Variants in MAGI1 observed in about 807,000 individuals in gnomAD.
The protein encoded by MAGI1 is membrane-associated guanylate kinase, WW and PDZ domain-containing protein 1.
Under a neutral mutation model 139.9 loss-of-function variants are expected in MAGI1, and 58 were observed. That is an observed-to-expected ratio of 0.41 (90% CI 0.34 to 0.52). The LOEUF is 0.52. Ranked by LOEUF, MAGI1 falls within the 20% of genes least tolerant of loss-of-function variation. The pLI, the probability that MAGI1 is intolerant of heterozygous loss-of-function variation, is 0.12. For missense variants in MAGI1, 1,874 were observed against 1,901.6 expected, an observed-to-expected ratio of 0.99 and a Z score of 0.27; for synonymous variants, 812 against 737.9, an observed-to-expected ratio of 1.10 and a Z score of -1.63.
chr3:66,037,032 T>G (rs752981836), intron 1 of MAGI1, among the ~76,000 whole-genome samples: 2 of 152,164 alleles, frequency 1.3e-5, no homozygotes, highest in Non-Finnish European at 2.9e-5. Context: ...GCCCCTTCAG[T>G]GCGGTAGGGT....
chr3:65,564,235 G>A (rs2080506921), intron 2 of MAGI1, among the ~76,000 whole-genome samples: 1 of 151,428 alleles, frequency 6.6e-6, no homozygotes, highest in Non-Finnish European at 1.5e-5. Context: ...ACAAGGCTAC[G>A]AAAATGGATA....
intron 5 of MAGI1, among the ~76,000 whole-genome samples, chr3:65,460,140 T>C (rs1455647668): frequency 6.6e-6 from 1 of 152,222 alleles, no homozygotes; most frequent in Non-Finnish European, 1.5e-5. Context: ...TTTTTCTGCA[T>C]CGATTCATAT....
intron 2 of MAGI1, chr3:65,532,754 T>C (rs2078771781): frequency 6.6e-6 from 1 of 152,228 alleles, no homozygotes; most frequent in Non-Finnish European, 1.5e-5. Context: ...TTACTTACCT[T>C]GGAGAAGAAG....
Position 65,965,180 on chromosome 3 carries a change from T to C in MAGI1, c.313+72816A>G, listed in dbSNP as rs572198987. Among the ~76,000 whole-genome samples the C allele has an allele frequency of 5.9e-5, 9 of 152,318 alleles. 1 individual carries two copies. The South Asian group carries it at 1.9e-3, about 32-fold the overall frequency. On this transcript the variant is annotated intron_variant, in intron 1 of 22. Coordinates refer to ENST00000402939, the MANE Select transcript of MAGI1 (RefSeq NM_001033057.2). ...GTAAATGTTCCATCTGCCCAGAGTATCCATTGTCAATGGAGACCAGACATA... is the reference window on the plus strand; with the variant it reads ...GTAAATGTTCCATCTGCCCAGAGTACCCATTGTCAATGGAGACCAGACATA...
intron 1 of MAGI1, among the ~76,000 whole-genome samples, chr3:65,680,795 T>TATATGATATG (rs142469043): frequency 4.0e-5 from 6 of 151,274 alleles, no homozygotes; most frequent in African/African-American, 1.5e-4. Flanking sequence ...TATGATATGA[T>TATATGATATG]ATACTTTAAT....
At chr3:65,641,288 G>T (rs946121164) in intron 1 of MAGI1, among the ~76,000 whole-genome samples, 1 of 152,140 alleles carries the variant, frequency 6.6e-6, no homozygotes, top group African/African-American at 2.4e-5. Context: ...AGTGGCAACC[G>T]AATGTTGTTA....
intron 2 of MAGI1, among the ~76,000 whole-genome samples, chr3:65,608,017 T>C (rs2082840325): frequency 6.6e-6 from 1 of 152,246 alleles, no homozygotes; most frequent in South Asian, 2.1e-4. Flanking sequence ...GCAGGTATCA[T>C]TAGCCCCATT....
chr3:65,914,724 T>A (rs1440743609), intron 1 of MAGI1, among the ~76,000 whole-genome samples: 1 of 152,214 alleles, frequency 6.6e-6, no homozygotes, highest in African/African-American at 2.4e-5. Context: ...GAGAACAGTA[T>A]CAACCCAAAT....
intron 2 of MAGI1, among the ~76,000 whole-genome samples, chr3:65,530,698 T>TAC (rs1204826309): frequency 5.9e-5 from 8 of 135,302 alleles, no homozygotes; most frequent in Non-Finnish European, 1.1e-4. Flanking sequence ...TGTATATATA[T>TAC]ACACATATAC....
At chr3:65,969,576 C>A (rs1278780710) in intron 1 of MAGI1, among the ~76,000 whole-genome samples, 1 of 152,180 alleles carries the variant, frequency 6.6e-6, no homozygotes, top group African/African-American at 2.4e-5. Context: ...TCAAATGTGG[C>A]TGAATAACTA....
chr3:65,799,258 A>T (rs2040359820), intron 1 of MAGI1, among the ~76,000 whole-genome samples: 1 of 152,206 alleles, frequency 6.6e-6, no homozygotes, highest in African/African-American at 2.4e-5. Context: ...ACAAGTACTT[A>T]GTTCAAAAGG....
chr3:65,479,056 T>C (rs1951078659), intron 3 of MAGI1, among the ~76,000 whole-genome samples: 2 of 152,206 alleles, frequency 1.3e-5, no homozygotes, highest in South Asian at 4.1e-4. Flanking sequence ...AAGGAGGCTA[T>C]GCTGAATAGT....
At chr3:65,933,948 A>T (rs1190760068) in intron 1 of MAGI1, among the ~76,000 whole-genome samples, 1 of 152,092 alleles carries the variant, frequency 6.6e-6, no homozygotes, top group Non-Finnish European at 1.5e-5. Context: ...CAACATGGTG[A>T]AACCCCATCT....
chr3:65,770,074 T>C (rs2037826298), intron 1 of MAGI1, among the ~76,000 whole-genome samples: 1 of 152,114 alleles, frequency 6.6e-6, no homozygotes, highest in African/African-American at 2.4e-5. Flanking sequence ...ACCTTATTAC[T>C]GAGAGGACAA....
At chr3:65,679,183 G>C (rs1291348465) in intron 1 of MAGI1, among the ~76,000 whole-genome samples, 1 of 152,002 alleles carries the variant, frequency 6.6e-6, no homozygotes, top group Non-Finnish European at 1.5e-5. Context: ...TAAAATAAAA[G>C]TCTCATACTC....
At chr3:65,812,139 C>T (rs1411363768) in intron 1 of MAGI1, among the ~76,000 whole-genome samples, 2 of 152,000 alleles carry the variant, frequency 1.3e-5, no homozygotes, top group Admixed American at 6.6e-5. Flanking sequence ...TCAGGAAATG[C>T]TTTTTCCCAG....
chr3:65,996,221 T>C (rs1309073779), intron 1 of MAGI1, among the ~76,000 whole-genome samples: 2 of 152,014 alleles, frequency 1.3e-5, no homozygotes, highest in East Asian at 3.9e-4. Context: ...ACCTACCTCC[T>C]AGAATGTTAA....
chr3:65,766,969 G>C (rs1226116462), intron 1 of MAGI1, among the ~76,000 whole-genome samples: 1 of 152,162 alleles, frequency 6.6e-6, no homozygotes, highest in Non-Finnish European at 1.5e-5. Flanking sequence ...TCCGAATTTG[G>C]TTGGTAACAA....
At chr3:65,957,928 G>A (rs764219745) in intron 1 of MAGI1, among the ~76,000 whole-genome samples, 5 of 151,728 alleles carry the variant, frequency 3.3e-5, no homozygotes, top group African/African-American at 1.2e-4. Context: ...AGCACCACGC[G>A]CAGCTAATTT....
Sources: gnomAD v4.1 joint callset for allele counts (sites outside exome capture counted in the v4.1 genomes callset) on GRCh38, gnomAD v4.1.1 for gene constraint, MANE v1.5 for transcripts, NCBI Gene and HGNC (gene_info 2026-07-23, HGNC 2026-07-21) for gene names.